The following HERC2 variants were observed in gnomAD, a reference collection of about 807,000 sequenced individuals.
The protein encoded by HERC2 is E3 ubiquitin-protein ligase HERC2.
A neutral mutation model predicts 537.7 loss-of-function variants in HERC2; 102 were observed. The observed-to-expected ratio is 0.19, with a 90% CI of 0.16 to 0.22. The LOEUF (loss-of-function observed/expected upper bound fraction) is 0.22, where lower values mean the gene tolerates loss of function less well. HERC2 is among the 10% of genes least tolerant of loss of function. The probability of loss-of-function intolerance (pLI) is 1.00; values close to 1 mark genes in which losing one functional copy is unlikely to be tolerated. For missense variants in HERC2, 4,236 were observed against 6,198.2 expected (o/e 0.68, Z 10.63); for synonymous variants, 2,224 against 2,466.2 (o/e 0.90, Z 2.91).
intron 20 of HERC2, among the ~76,000 whole-genome samples, chr15:28,249,457 G>C (rs1567069513): frequency 6.6e-6 from 1 of 152,276 alleles, no homozygotes; most frequent in East Asian, 1.9e-4. Flanking sequence ...GTTCCCAGAA[G>C]GTAAAGTTAG....
intron 2 of HERC2, among the ~76,000 whole-genome samples, chr15:28,305,242 G>C (rs947866123): frequency 1.3e-5 from 2 of 151,524 alleles, no homozygotes; most frequent in African/African-American, 2.4e-5. Context: ...GTAATGGGAT[G>C]GCTGGGTCAA....
intron 26 of HERC2, 33 bp downstream of exon 26, chr15:28,236,930 C>G: frequency 6.2e-7 from 1 of 1,605,072 alleles, no homozygotes. Flanking sequence ...AAAAAATAAT[C>G]TGCTGATCAG....
chr15:28,226,278 A>G (rs1255408592), intron 35 of HERC2, among the ~76,000 whole-genome samples: 3 of 152,210 alleles, frequency 2.0e-5, no homozygotes, highest in Non-Finnish European at 2.9e-5. Context: ...TGGAAAAGCC[A>G]GCCTTGAAGT....
Position 28,175,611 on chromosome 15 carries a change from G to A in HERC2, c.9732C>T (p.His3244=), listed in dbSNP as rs760819175. 56 of 1,614,006 alleles carry A rather than the reference G, an allele frequency of 3.5e-5. No individual in the cohort carries two copies. The highest frequency in any genetic ancestry group is 4.2e-5 in the Non-Finnish European group (50 of 1,180,024). ...YFRLGHGSDV[H]VRKPQVVEGL... ...CTTCCACCACCTGTGGTTTCCGCAC[G>A]TGCACGTCAGAGCCGTGGCCCAATC... The change falls in exon 64 of 93, where the codon CAC becomes CAT. Residue 3244 remains histidine (H), a synonymous_variant. Coordinates refer to ENST00000261609, the MANE Select transcript of HERC2 (RefSeq NM_004667.6).
intron 71 of HERC2, among the ~76,000 whole-genome samples, chr15:28,145,843 C>T (rs1891676570): frequency 6.6e-6 from 1 of 152,198 alleles, no homozygotes; most frequent in South Asian, 2.1e-4. Flanking sequence ...CATGTGGCTG[C>T]CTCCACCTAC....
intron 65 of HERC2, among the ~76,000 whole-genome samples, chr15:28,169,904 C>T (rs1388534743): frequency 6.6e-6 from 1 of 152,158 alleles, no homozygotes; most frequent in East Asian, 1.9e-4. Flanking sequence ...TTATAAAATG[C>T]ACTTACAACA....
rs1347527450 is a variant in HERC2 at position 28,202,569 on chromosome 15, G to A, written c.7258C>T (p.His2420Tyr). The A allele has an allele frequency of 9.5e-6, 7 of 738,950 alleles. No individual in the cohort carries two copies. In the East Asian group the frequency reaches 1.7e-4, roughly 18 times the overall value. 45.8% of individuals were successfully genotyped at this position (738,950 alleles called of 1,614,324 possible). Reference sequence around the variant, plus strand: ...TCTTCAAATCCTGGGCTCGAAGGGTGAGTGGACTCCACAGCCAAGCACTGG... The same window carrying A: ...TCTTCAAATCCTGGGCTCGAAGGGTAAGTGGACTCCACAGCCAAGCACTGG... ...VCQCLAVESTHPSSPGFEDCS... is the reference protein window; with the variant it reads ...VCQCLAVESTYPSSPGFEDCS... The change falls in exon 46 of 93, where the codon CAC (histidine) becomes TAC (tyrosine). Residue 2420 changes from histidine to tyrosine, a missense_variant. Physicochemically the swap from His to Tyr is moderately conservative, Grantham distance 83. This residue lies in a region of HERC2 where 35 missense variants were observed against 68.7 expected (regional missense o/e 0.51). Transcript: ENST00000261609.
rs1283665426 is a variant in HERC2 at position 28,270,764 on chromosome 15, G to C, written c.1188C>G (p.Val396=). ...AIDLRQTAVV[V]MAHLDRLATP... Reference sequence around the variant, plus strand: ...TAGCCAGACGGTCTAAATGGGCCATGACAACAACCGCCGTTTGTCGCAGAT... The same window carrying C: ...TAGCCAGACGGTCTAAATGGGCCATCACAACAACCGCCGTTTGTCGCAGAT... Residue 396 remains valine (V), a synonymous_variant, in exon 10 of 93, where the codon GTC becomes GTG. Coordinates refer to ENST00000261609, the MANE Select transcript of HERC2 (RefSeq NM_004667.6). 1 of 1,613,862 alleles carries C rather than the reference G, an allele frequency of 6.2e-7. No homozygotes were observed. The highest frequency in any genetic ancestry group is 8.5e-7 in the Non-Finnish European group (1 of 1,179,862).
chr15:28,217,095 C>T (rs4302011), intron 38 of HERC2, among the ~76,000 whole-genome samples: 368 of 145,854 alleles, frequency 2.5e-3, no homozygotes, highest in Admixed American at 7.1e-3. Context: ...CGCACTCAAT[C>T]GCACACTTAC....
At chr15:28,210,173 G>A (rs1399783852) in intron 44 of HERC2, among the ~76,000 whole-genome samples, 6 of 151,512 alleles carry the variant, frequency 4.0e-5, no homozygotes, top group South Asian at 2.1e-4. Flanking sequence ...TTGCTCTGTC[G>A]TCCAGGCTGG....
chr15:28,170,416 A>T (rs1426127770), intron 65 of HERC2, among the ~76,000 whole-genome samples: 2 of 152,250 alleles, frequency 1.3e-5, no homozygotes, highest in African/African-American at 4.8e-5. Context: ...ACTCGGAGGC[A>T]GGACAGCCTT....
chr15:28,198,676 C>G lies in HERC2; in HGVS notation c.7810G>C (p.Asp2604His). 6.2e-7 allele frequency: 1 copy of G among 1,614,162 alleles called. No individual in the cohort carries two copies. Among genetic ancestry groups the G allele is most frequent in the Non-Finnish European group, 8.5e-7 (1 of 1,180,004 alleles). The change falls in exon 49 of 93, where the codon GAT becomes CAT. Residue 2604 changes from aspartate to histidine, a missense_variant. Physicochemically the swap from Asp to His is moderately conservative, Grantham distance 81. Around this residue, in one of 27 missense-constraint regions of HERC2, gnomAD observed 606 missense variants for 884.5 expected, o/e 0.69. Coordinates refer to ENST00000261609, the MANE Select transcript of HERC2 (RefSeq NM_004667.6). ...VIKLDRDGLHDLNVQCDWQQK... is the reference protein window; with the variant it reads ...VIKLDRDGLHHLNVQCDWQQK... Reference sequence around the variant, plus strand: ...TGCCAGTCACACTGCACATTGAGATCATGCAATCCATCTCTGTCCAGCTTG... The same window carrying G: ...TGCCAGTCACACTGCACATTGAGATGATGCAATCCATCTCTGTCCAGCTTG...
chr15:28,201,890 T>C (rs1272700165), intron 47 of HERC2, among the ~76,000 whole-genome samples: 3 of 152,212 alleles, frequency 2.0e-5, no homozygotes, highest in Non-Finnish European at 4.4e-5. Context: ...CAAGGGTCTG[T>C]TCTGAAGCTA....
chr15:28,220,327 G>A, intron 37 of HERC2, 125 bp downstream of exon 37: 1 of 856,542 alleles, frequency 1.2e-6, no homozygotes, highest in Non-Finnish European at 1.9e-6. Context: ...CAGGCTCCGA[G>A]GACAGAGCGC....
Position 28,169,523 on chromosome 15 carries a change from A to G in HERC2, c.10190T>C (p.Leu3397Ser), listed in dbSNP as rs1894483591. The G allele has an allele frequency of 6.2e-7, 1 of 1,611,176 alleles. No homozygotes were observed. The highest frequency in any genetic ancestry group is 1.3e-5 in the African/African-American group (1 of 74,874). ...TTGCAATGCTGTAAGAATATGTGATAAGGCCTGCTGTTTGGCCAGATTTCC... is the reference window on the plus strand; with the variant it reads ...TTGCAATGCTGTAAGAATATGTGATGAGGCCTGCTGTTTGGCCAGATTTCC... Reference protein sequence around the residue: ...LDGNLAKQQALSHILTALQIM... With the variant: ...LDGNLAKQQASSHILTALQIM... Residue 3397 changes from leucine (L) to serine (S), a missense_variant, in exon 66 of 93, where the codon TTA (leucine) becomes TCA (serine). Physicochemically the swap from Leu to Ser is moderately radical, Grantham distance 145. Around this residue, in one of 27 missense-constraint regions of HERC2, gnomAD observed 356 missense variants for 450.9 expected, o/e 0.79. Transcript: ENST00000261609.
At chr15:28,285,648 A>C (rs2076136553) in intron 4 of HERC2, among the ~76,000 whole-genome samples, 1 of 151,946 alleles carries the variant, frequency 6.6e-6, no homozygotes, top group Non-Finnish European at 1.5e-5. Context: ...AGAAAAAAAA[A>C]ATAGCAAAAT....
rs575457944 is a variant in HERC2, at chr15:28,233,522, C to T, written c.4391G>A (p.Gly1464Asp). The T allele has an allele frequency of 5.1e-6, 8 of 1,577,646 alleles. No individual in the cohort carries two copies. In the South Asian group the frequency reaches 6.6e-5, roughly 13 times the overall value. ...CGTTCTGTGCTTTACTTGCTCAATACCAAGTGCACCTGCATGAACTAAAGA... is the reference window on the plus strand; with the variant it reads ...CGTTCTGTGCTTTACTTGCTCAATATCAAGTGCACCTGCATGAACTAAAGA... ...ALSLVHAGAL[G>D]IEQVKHRTLP... The change falls in exon 29 of 93, where the codon GGT (glycine) becomes GAT (aspartate). Residue 1464 changes from glycine to aspartate, a missense_variant. Gly to Asp is a moderately conservative substitution (Grantham distance 94). This residue lies in a region of HERC2 where 94 missense variants were observed against 174.9 expected (regional missense o/e 0.54). Transcript: ENST00000261609.
intron 20 of HERC2, among the ~76,000 whole-genome samples, chr15:28,250,293 C>T (rs374304067): frequency 1.1e-3 from 175 of 152,238 alleles, no homozygotes; most frequent in African/African-American, 4.0e-3. Context: ...TCATCACACA[C>T]GGCAAGGATG....
rs140556070 is a variant in HERC2, at chr15:28,186,582, G to A, written c.8820C>T (p.Ser2940=). 9.9e-6 allele frequency: 16 copies of A among 1,613,278 alleles called. No individual in the cohort carries two copies. Among genetic ancestry groups the A allele is most frequent in the Middle Eastern group, 1.6e-4 (1 of 6,066 alleles). ...NEEEEDEKGN[S]GSLIRKKAAG... ...CTGTAACAAATGGTTCTCACCTTCC[G>A]CTGTTGCCTTTCTCATCCTCCTCCT... is the stretch of plus-strand genomic sequence containing the variant. Residue 2940 remains serine, a synonymous_variant, in exon 56 of 93, where the codon AGC becomes AGT. Coordinates refer to ENST00000261609, the MANE Select transcript of HERC2 (RefSeq NM_004667.6).
Sources: allele counts gnomAD v4.1 joint callset (sites outside exome capture counted in the v4.1 genomes callset), GRCh38; gene constraint gnomAD v4.1.1; regional missense constraint gnomAD v4.1.1; transcripts MANE v1.5; gene names NCBI Gene and HGNC (gene_info 2026-07-23, HGNC 2026-07-21).